Variants in CCSER1 observed in about 807,000 individuals in gnomAD.
CCSER1 encodes the protein serine-rich coiled-coil domain-containing protein 1.
CCSER1 carries 41 observed loss-of-function variants against 82.0 expected under a neutral mutation model. The ratio of observed to expected loss-of-function variants is 0.50; its 90% CI spans 0.39 to 0.65. The LOEUF is 0.65. Among genes scored for constraint, CCSER1 ranks in the 30% least tolerant of loss-of-function variants. CCSER1 has a pLI of 0.00. For missense variants in CCSER1, 1,119 were observed against 1,064.2 expected (o/e 1.05, Z -0.72); for synonymous variants, 414 against 383.9 (o/e 1.08, Z -0.92).
intron 8 of CCSER1, among the ~76,000 whole-genome samples, chr4:90,869,406 G>A (rs1766154955): frequency 6.6e-6 from 1 of 151,832 alleles, no homozygotes; most frequent in African/African-American, 2.4e-5. Context: ...TCTAGTTTTA[G>A]TTTTCTGCAT....
intron 9 of CCSER1, among the ~76,000 whole-genome samples, chr4:90,937,504 A>ACACACACACACAC (rs757870134): frequency 0.011 from 842 of 77,756 alleles, 13 homozygotes; most frequent in African/African-American, 0.031. Context: ...CACACACACA[A>ACACACACACACAC]ACACACACAC....
At chr4:90,492,717 A>T (rs899682835) in intron 5 of CCSER1, among the ~76,000 whole-genome samples, 1 of 151,980 alleles carries the variant, frequency 6.6e-6, no homozygotes, top group Admixed American at 6.6e-5. Flanking sequence ...TGATATGTTG[A>T]GTCTTTGTTC....
intron 6 of CCSER1, among the ~76,000 whole-genome samples, chr4:90,654,707 T>C (rs1285204573): frequency 1.3e-5 from 2 of 152,126 alleles, no homozygotes; most frequent in African/African-American, 4.8e-5. Context: ...TCTTGGGCTA[T>C]ATTATTTATA....
intron 5 of CCSER1, among the ~76,000 whole-genome samples, chr4:90,496,397 T>C (rs894467511): frequency 1.6e-4 from 24 of 152,180 alleles, no homozygotes; most frequent in Non-Finnish European, 2.8e-4. Flanking sequence ...AGTATGGAGA[T>C]TTGCCTCAGA....
chr4:91,157,970 A>G (rs976459939), intron 10 of CCSER1, among the ~76,000 whole-genome samples: 1 of 152,006 alleles, frequency 6.6e-6, no homozygotes. Flanking sequence ...TAAATTACAG[A>G]GTAGGGGTTG....
At chr4:90,318,949 C>G (rs1000499187) in intron 3 of CCSER1, among the ~76,000 whole-genome samples, 1 of 152,052 alleles carries the variant, frequency 6.6e-6, no homozygotes, top group Non-Finnish European at 1.5e-5. Flanking sequence ...CCATTTTGAC[C>G]ATCTCTAAGT....
At chr4:91,474,408 ATATG>A (rs1429856941) in intron 10 of CCSER1, among the ~76,000 whole-genome samples, 2 of 151,810 alleles carry the variant, frequency 1.3e-5, no homozygotes, top group Non-Finnish European at 2.9e-5. Context: ...CATTTAATAA[ATATG>A]TATAATATCT....
intron 7 of CCSER1, among the ~76,000 whole-genome samples, chr4:90,779,684 C>T (rs564316103): frequency 5.9e-5 from 9 of 152,230 alleles, no homozygotes; most frequent in Non-Finnish European, 1.3e-4. Context: ...TCTTCCTTGA[C>T]ACTGAGCCCA....
intron 9 of CCSER1, among the ~76,000 whole-genome samples, chr4:91,018,023 G>A (rs572919311): frequency 6.6e-6 from 1 of 152,166 alleles, no homozygotes; most frequent in East Asian, 1.9e-4. Context: ...TGGATGGAAA[G>A]GAGATGAAAT....
chr4:90,525,349 T>C (rs1773622489), intron 5 of CCSER1, among the ~76,000 whole-genome samples: 1 of 152,288 alleles, frequency 6.6e-6, no homozygotes, highest in East Asian at 1.9e-4. Flanking sequence ...TTTTATAATT[T>C]CTGTCTTTAT....
chr4:91,444,937 T>C (rs1300332042), intron 10 of CCSER1, among the ~76,000 whole-genome samples: 1 of 152,258 alleles, frequency 6.6e-6, no homozygotes, highest in Non-Finnish European at 1.5e-5. Context: ...TTCACTTCAG[T>C]GTGCTGTGCT....
chr4:90,154,463 C>G (rs1727618924), intron 1 of CCSER1, among the ~76,000 whole-genome samples: 3 of 152,140 alleles, frequency 2.0e-5, no homozygotes, highest in Middle Eastern at 3.4e-3. Flanking sequence ...TATAAATTAC[C>G]TTGGGCAGTA....
chr4:91,524,476 C>T (rs1342491492), intron 10 of CCSER1, among the ~76,000 whole-genome samples: 1 of 152,150 alleles, frequency 6.6e-6, no homozygotes, highest in Non-Finnish European at 1.5e-5. Flanking sequence ...CTAGCATGTA[C>T]TGAACATCTA....
rs577977960 is a variant in CCSER1, at chr4:91,403,920, T to C, written c.2218-194652T>C. Among the ~76,000 whole-genome samples the C allele has an allele frequency of 7.2e-5, 11 of 152,244 alleles. No homozygotes were observed. In the South Asian group the frequency reaches 1.2e-3, roughly 17 times the overall value. On this transcript the variant is annotated intron_variant, in intron 10 of 10. Coordinates refer to ENST00000509176, the MANE Select transcript of CCSER1 (RefSeq NM_001145065.2). The stretch of plus-strand genomic sequence containing the variant: ...ATGATGCTGGCCTCATAAAATGAGT[T>C]AGGGAGGATTCCCTCTTTTCCTACT...
intron 1 of CCSER1, among the ~76,000 whole-genome samples, chr4:90,289,205 T>C (rs1730460546): frequency 6.6e-6 from 1 of 151,866 alleles, no homozygotes; most frequent in Non-Finnish European, 1.5e-5. Context: ...TATATTTTTC[T>C]TAAATCAAAT....
intron 5 of CCSER1, among the ~76,000 whole-genome samples, chr4:90,588,739 A>C (rs982268492): frequency 6.6e-6 from 1 of 152,136 alleles, no homozygotes; most frequent in African/African-American, 2.4e-5. Context: ...GTAGTGAATA[A>C]GTCTCAAGAG....
chr4:91,123,567 A>G (rs1343128656), intron 10 of CCSER1, among the ~76,000 whole-genome samples: 1 of 151,754 alleles, frequency 6.6e-6, no homozygotes, highest in Non-Finnish European at 1.5e-5. Flanking sequence ...ACATGACGAA[A>G]TATTTCTCCA....
intron 1 of CCSER1, among the ~76,000 whole-genome samples, chr4:90,273,022 CA>C (rs546422584): frequency 1.4e-5 from 2 of 147,002 alleles, no homozygotes; most frequent in African/African-American, 5.2e-5. Context: ...AACAAACAAA[CA>C]AAAAAAAACA....
chr4:90,566,227 G>A (rs1779361139), intron 5 of CCSER1, among the ~76,000 whole-genome samples: 1 of 151,892 alleles, frequency 6.6e-6, no homozygotes, highest in Non-Finnish European at 1.5e-5. Context: ...TTGCATCTCT[G>A]TCCATCAGAG....
Sources: gnomAD v4.1 joint callset for allele counts (sites outside exome capture counted in the v4.1 genomes callset) on GRCh38, gnomAD v4.1.1 for gene constraint, MANE v1.5 for transcripts, NCBI Gene and HGNC (gene_info 2026-07-23, HGNC 2026-07-21) for gene names.